RALYL: variants seen among roughly 807,000 people sequenced by gnomAD.
RALYL encodes the protein RALY RNA binding protein like.
RALYL carries 29 observed loss-of-function variants against 35.1 expected under a neutral mutation model. The observed-to-expected ratio is 0.83, with a 90% CI of 0.61 to 1.13. The LOEUF is 1.13. Among genes scored for constraint, RALYL ranks in the 50% most tolerant of loss-of-function variants. The pLI is 0.00. For synonymous variants in RALYL, 120 were observed against 127.6 expected, an observed-to-expected ratio of 0.94 and a Z score of 0.40; for missense variants, 359 against 360.4, an observed-to-expected ratio of 1.00 and a Z score of 0.03.
chr8:84,323,185 T>C (rs578167095), intron 1 of RALYL, among the ~76,000 whole-genome samples: 1 of 152,080 alleles, frequency 6.6e-6, no homozygotes, highest in Non-Finnish European at 1.5e-5. Context: ...TTTTAATAAA[T>C]GTTAAATGAA....
rs550547115 is a variant in RALYL at position 84,210,684 on chromosome 8, G to A, written c.-24+26260G>A. Among the ~76,000 whole-genome samples, 7 of 152,132 alleles carry A rather than the reference G, an allele frequency of 4.6e-5. No homozygotes were observed. In the East Asian group the frequency reaches 1.2e-3, roughly 25 times the overall value. On this transcript the variant is annotated intron_variant, in intron 1 of 8. Coordinates refer to ENST00000521268, the MANE Select transcript of RALYL (RefSeq NM_173848.7). ...TCCATGCTGTAAGGTCACGAGCCAC[G>A]GAAAGCTTATTGTATAGTTTGCTGA...
At chr8:84,881,873 T>C (rs1380084596) in intron 7 of RALYL, among the ~76,000 whole-genome samples, 2 of 151,944 alleles carry the variant, frequency 1.3e-5, no homozygotes, top group Non-Finnish European at 2.9e-5. Flanking sequence ...AAATTAGGCC[T>C]TCTTTTTTTA....
intron 2 of RALYL, among the ~76,000 whole-genome samples, chr8:84,623,769 C>T (rs1220138800): frequency 6.6e-6 from 1 of 151,908 alleles, no homozygotes; most frequent in East Asian, 1.9e-4. Context: ...CACAAATATG[C>T]TGTGGGAAAA....
intron 1 of RALYL, among the ~76,000 whole-genome samples, chr8:84,429,297 A>G (rs1465632317): frequency 2.0e-5 from 3 of 152,172 alleles, no homozygotes; most frequent in African/African-American, 4.8e-5. Flanking sequence ...CTGTTTGAGT[A>G]CTTACAAACT....
At chr8:84,762,516 T>C (rs1460317935) in intron 2 of RALYL, among the ~76,000 whole-genome samples, 2 of 152,160 alleles carry the variant, frequency 1.3e-5, no homozygotes, top group Admixed American at 1.3e-4. Flanking sequence ...TTTTTGAAAA[T>C]AAAATCACTA....
At position 84,618,695 on chromosome 8, in the gene RALYL, A is replaced by G. The variant is rs199887844; in HGVS notation, c.256+89118A>G. Among the ~76,000 whole-genome samples, 371 of 45,594 alleles carry G rather than the reference A, an allele frequency of 8.1e-3. 12 individuals are homozygous for G. Among genetic ancestry groups the G allele is most frequent in the Admixed American group, 0.061 (222 of 3,654 alleles). The allele number at this position is 45,594 out of a possible 152,430, so 29.9% of individuals were successfully genotyped here. A position where few individuals can be genotyped will look rare whatever the true frequency, so the allele number is the denominator to read the frequency against. ...TTTTAATTGTGATGTTAGGGTGTCA[A>G]TTTTGGATCTTTCCTGCTTTCTCTT... On this transcript the variant is annotated intron_variant, in intron 2 of 8. Coordinates refer to ENST00000521268, the MANE Select transcript of RALYL (RefSeq NM_173848.7).
chr8:84,819,985 A>G (rs1407397698), intron 4 of RALYL, among the ~76,000 whole-genome samples: 2 of 152,152 alleles, frequency 1.3e-5, no homozygotes, highest in Admixed American at 1.3e-4. Flanking sequence ...CCCTGCCCCA[A>G]AAAAATTTTG....
chr8:84,475,497 G>C (rs1239658790), intron 1 of RALYL, among the ~76,000 whole-genome samples: 1 of 152,148 alleles, frequency 6.6e-6, no homozygotes, highest in African/African-American at 2.4e-5. Flanking sequence ...AGGCAGATTA[G>C]AAAACTCTAA....
intron 1 of RALYL, among the ~76,000 whole-genome samples, chr8:84,416,497 G>A (rs373896723): frequency 4.8e-4 from 73 of 152,254 alleles, no homozygotes; most frequent in African/African-American, 1.7e-3. Flanking sequence ...ATGAAAAGGT[G>A]TTGGCACTTT....
At chr8:84,603,923 GTTTT>G (rs999585015) in intron 2 of RALYL, among the ~76,000 whole-genome samples, 1 of 151,604 alleles carries the variant, frequency 6.6e-6, no homozygotes, top group South Asian at 2.1e-4. Flanking sequence ...CTTTTATCAG[GTTTT>G]TTTTGTTTGT....
chr8:84,874,096 TAGACGCCTC>T (rs1840691385), intron 7 of RALYL, among the ~76,000 whole-genome samples: 1 of 152,162 alleles, frequency 6.6e-6, no homozygotes, highest in African/African-American at 2.4e-5. Flanking sequence ...TATGAGGCTT[TAGACGCCTC>T]AGAAGCCTCC....
intron 2 of RALYL, among the ~76,000 whole-genome samples, chr8:84,628,390 A>G (rs907225814): frequency 1.7e-4 from 26 of 151,890 alleles, no homozygotes; most frequent in Non-Finnish European, 2.8e-4. Flanking sequence ...ATGATTGTGT[A>G]TTTTCTTCAC....
intron 1 of RALYL, among the ~76,000 whole-genome samples, chr8:84,453,943 T>C (rs935035913): frequency 6.6e-6 from 1 of 152,068 alleles, no homozygotes; most frequent in Non-Finnish European, 1.5e-5. Context: ...AATCCAGATG[T>C]AGGCTAATTC....
At chr8:84,727,629 C>G (rs10102915) in intron 2 of RALYL, among the ~76,000 whole-genome samples, 8,391 of 123,464 alleles carry the variant, frequency 0.068, 542 homozygotes, top group African/African-American at 0.19. Context: ...TCCCTCCCCC[C>G]ACCCCACAAC....
At chr8:84,756,271 C>A (rs1483088425) in intron 2 of RALYL, among the ~76,000 whole-genome samples, 1 of 152,024 alleles carries the variant, frequency 6.6e-6, no homozygotes, top group Non-Finnish European at 1.5e-5. Flanking sequence ...CAAAGTAAAG[C>A]AAATAACAGA....
At position 84,729,678 on chromosome 8, in the gene RALYL, G is replaced by A. The variant is rs1050618483; in HGVS notation, c.257-44901G>A. 7.9e-5 allele frequency among the ~76,000 whole-genome samples: 12 copies of A among 151,914 alleles called. No homozygotes were observed. The East Asian group carries it at 1.5e-3, about 20-fold the overall frequency. On this transcript the variant is annotated intron_variant, in intron 2 of 8. Transcript: ENST00000521268. Reference sequence around the variant, plus strand: ...AAAAAGAGAGAAGAATCAAATAGACGCAATAAAAAATGATAAAGGGGATAT... The same window carrying A: ...AAAAAGAGAGAAGAATCAAATAGACACAATAAAAAATGATAAAGGGGATAT...
chr8:84,558,247 G>A (rs550701001), intron 2 of RALYL, among the ~76,000 whole-genome samples: 1 of 152,058 alleles, frequency 6.6e-6, no homozygotes, highest in East Asian at 1.9e-4. Flanking sequence ...ATATTCATTG[G>A]TGAAAACACT....
At chr8:84,468,065 A>G (rs1470761683) in intron 1 of RALYL, among the ~76,000 whole-genome samples, 7 of 150,152 alleles carry the variant, frequency 4.7e-5, no homozygotes, top group African/African-American at 7.4e-5. Context: ...TTTCCTGAAT[A>G]CAGCACACTG....
intron 2 of RALYL, among the ~76,000 whole-genome samples, chr8:84,544,861 C>T (rs1451036801): frequency 1.3e-5 from 2 of 151,920 alleles, no homozygotes; most frequent in Non-Finnish European, 1.5e-5. Context: ...TTGAATTTTT[C>T]CCCATCTGAT....
Sources: gnomAD v4.1 joint callset for allele counts (sites outside exome capture counted in the v4.1 genomes callset) on GRCh38, gnomAD v4.1.1 for gene constraint, MANE v1.5 for transcripts, NCBI Gene and HGNC (gene_info 2026-07-23, HGNC 2026-07-21) for gene names.